NDUFA10: variants seen among roughly 807,000 people sequenced by gnomAD.
The protein encoded by NDUFA10 is NADH dehydrogenase [ubiquinone] 1 alpha subcomplex subunit 10, mitochondrial.
NDUFA10 carries 40 observed loss-of-function variants against 47.8 expected under a neutral mutation model. That is an observed-to-expected ratio of 0.84 (90% CI 0.65 to 1.09). The LOEUF (loss-of-function observed/expected upper bound fraction) is 1.09. Among genes scored for constraint, NDUFA10 ranks in the 50% least tolerant of loss-of-function variants. NDUFA10 has a pLI of 0.00. For missense variants in NDUFA10, 413 were observed against 451.1 expected (o/e 0.92, Z 0.76); for synonymous variants, 183 against 172.2 (o/e 1.06, Z -0.49).
At chr2:239,921,263 T>C (rs1290090455) in intron 4 of NDUFA10, among the ~76,000 whole-genome samples, 1 of 138,518 alleles carries the variant, frequency 7.2e-6, no homozygotes. Context: ...GTGGTCTCAC[T>C]GACTTCAAGA....
intron 4 of NDUFA10, among the ~76,000 whole-genome samples, chr2:239,916,435 C>T (rs1422391651): frequency 1.3e-5 from 2 of 151,992 alleles, no homozygotes; most frequent in African/African-American, 4.8e-5. Flanking sequence ...CAGACACAGA[C>T]ACAGCCAGAC....
At chr2:239,937,112 C>A (rs1431413391) in intron 4 of NDUFA10, among the ~76,000 whole-genome samples, 1 of 152,186 alleles carries the variant, frequency 6.6e-6, no homozygotes, top group East Asian at 1.9e-4. Flanking sequence ...AGTGGCCACC[C>A]CAGAGACGCT....
intron 4 of NDUFA10, among the ~76,000 whole-genome samples, chr2:239,916,389 GAC>G: frequency 6.6e-6 from 1 of 150,802 alleles, no homozygotes; most frequent in African/African-American, 2.4e-5. Context: ...CACACACATT[GAC>G]ACACATACAA....
intron 8 of NDUFA10, among the ~76,000 whole-genome samples, chr2:239,997,799 T>C (rs1324597149): frequency 1.3e-5 from 2 of 152,228 alleles, no homozygotes; most frequent in African/African-American, 4.8e-5. Flanking sequence ...ATATACAGTT[T>C]CCATCACATA....
intron 4 of NDUFA10, among the ~76,000 whole-genome samples, chr2:239,901,102 G>C (rs1035645203): frequency 6.6e-6 from 1 of 152,160 alleles, no homozygotes; most frequent in African/African-American, 2.4e-5. Flanking sequence ...TGACTCTCTG[G>C]TTAGGGGCAT....
In NDUFA10 at chr2:239,982,089, G is replaced by A. The variant is rs529360809; in HGVS notation, c.999+7985C>T. 5.6e-6 allele frequency: 9 copies of A among 1,611,956 alleles called. No homozygotes were observed. The East Asian group carries it at 1.8e-4, about 32-fold the overall frequency. On this transcript the variant is annotated intron_variant, in intron 9 of 9. Coordinates refer to ENST00000252711, the MANE Select transcript of NDUFA10 (RefSeq NM_004544.4). Reference sequence around the variant, plus strand: ...CTCAAATGCTGTTTGCTCCCCTGCAGCAAACCAGTGACCTGACACGTGTAC... The same window carrying A: ...CTCAAATGCTGTTTGCTCCCCTGCAACAAACCAGTGACCTGACACGTGTAC...
chr2:239,931,196 A>C (rs187073142), intron 4 of NDUFA10, among the ~76,000 whole-genome samples: 1 of 152,246 alleles, frequency 6.6e-6, no homozygotes, highest in Admixed American at 6.5e-5. Flanking sequence ...CTTAATCCAC[A>C]TGATGTAGTC....
chr2:239,960,057 T>C lies in NDUFA10; in HGVS notation c.*1061A>G. 1.0e-6 allele frequency: 1 copy of C among 985,096 alleles called. No homozygotes were observed. Among genetic ancestry groups the C allele is most frequent in the Middle Eastern group, 5.2e-4 (1 of 1,914 alleles). The allele number at this position is 985,096 out of a possible 1,614,324, so 61.0% of individuals were successfully genotyped here. On this transcript the variant is annotated 3_prime_UTR_variant, in exon 10 of 10. Transcript: ENST00000252711. Reference sequence around the variant, plus strand: ...GAACCCAATTTTAAACTCTATTACATTTTAGCTCATTTAAATTTCAATACC... The same window carrying C: ...GAACCCAATTTTAAACTCTATTACACTTTAGCTCATTTAAATTTCAATACC...
intron 8 of NDUFA10, among the ~76,000 whole-genome samples, chr2:239,991,657 T>G (rs146518635): frequency 6.6e-6 from 1 of 152,214 alleles, no homozygotes; most frequent in African/African-American, 2.4e-5. Flanking sequence ...CTTCCATGCA[T>G]GTGTCAATAA....
At chr2:240,014,921 C>T in intron 4 of NDUFA10, 61 bp from the exon 5 acceptor site, 2 of 1,611,146 alleles carry the variant, frequency 1.2e-6, no homozygotes, top group African/African-American at 2.7e-5. Context: ...TTCCAAAACA[C>T]ACTCCTCCTT....
At chr2:240,005,804 C>T (rs988264662) in intron 7 of NDUFA10, among the ~76,000 whole-genome samples, 2 of 152,152 alleles carry the variant, frequency 1.3e-5, no homozygotes, top group South Asian at 4.1e-4. Context: ...GCCTAGCTAA[C>T]ACTCAGGGAT....
At chr2:239,911,359 A>G (rs1043098149) in intron 4 of NDUFA10, among the ~76,000 whole-genome samples, 4 of 152,186 alleles carry the variant, frequency 2.6e-5, no homozygotes, top group African/African-American at 9.7e-5. Flanking sequence ...TCCTCTGTGT[A>G]GAATGAGGAG....
intron 9 of NDUFA10, among the ~76,000 whole-genome samples, chr2:239,974,521 T>C (rs955316275): frequency 6.6e-6 from 1 of 152,256 alleles, no homozygotes; most frequent in Non-Finnish European, 1.5e-5. Flanking sequence ...CCAAATCTCA[T>C]GCTGAGATGT....
intron 4 of NDUFA10, among the ~76,000 whole-genome samples, chr2:239,916,251 TACAC>T (rs368415118): frequency 3.8e-4 from 54 of 140,696 alleles, no homozygotes; most frequent in African/African-American, 1.2e-3. Context: ...CACACAGAGA[TACAC>T]ACACACACAG....
At position 240,021,212 on chromosome 2, in the gene NDUFA10, G is replaced by A. The variant is rs1697603606; in HGVS notation, c.445C>T (p.His149Tyr). The change falls in exon 3 of 10, where the codon CAC becomes TAC. Residue 149 changes from histidine (H) to tyrosine (Y), a missense_variant. Physicochemically the swap from His to Tyr is moderately conservative, Grantham distance 83. Transcript: ENST00000252711. ...RLLQYSDALE[H>Y]LLTTGQGVVL... ...AATACTGCACCTGTGGTCAGCAAGT[G>A]CTCCAAGGCATCTGAGTACTGCAGC... The A allele has an allele frequency of 6.2e-7, 1 of 1,613,906 alleles. No individual in the cohort carries two copies. The highest frequency in any genetic ancestry group is 1.3e-5 in the African/African-American group (1 of 74,934).
chr2:239,918,409 G>A (rs555095699), intron 4 of NDUFA10, among the ~76,000 whole-genome samples: 27 of 151,952 alleles, frequency 1.8e-4, no homozygotes, highest in African/African-American at 5.6e-4. Flanking sequence ...AGGTGCCCCC[G>A]CACGCCAGGC....
chr2:239,989,424 A>G (rs551485342), intron 9 of NDUFA10, among the ~76,000 whole-genome samples: 1 of 152,350 alleles, frequency 6.6e-6, no homozygotes, highest in African/African-American at 2.4e-5. Flanking sequence ...ACTTTTACCC[A>G]TAACAAACCA....
chr2:240,012,765 A>G (rs546803551), intron 5 of NDUFA10: 1 of 152,360 alleles, frequency 6.6e-6, no homozygotes, highest in Admixed American at 6.5e-5. Context: ...AGGATGATAC[A>G]GGCAATGCTG....
intron 4 of NDUFA10, among the ~76,000 whole-genome samples, chr2:239,904,393 G>T (rs1693610063): frequency 1.3e-5 from 2 of 152,282 alleles, no homozygotes; most frequent in South Asian, 4.1e-4. Flanking sequence ...TGCCTCCTGG[G>T]TTCAAGCGAT....
Sources: allele counts gnomAD v4.1 joint callset (sites outside exome capture counted in the v4.1 genomes callset), GRCh38; gene constraint gnomAD v4.1.1; transcripts MANE v1.5; gene names NCBI Gene and HGNC (gene_info 2026-07-23, HGNC 2026-07-21).